GRK4: variants seen among roughly 807,000 people sequenced by gnomAD.
GRK4 encodes G protein-coupled receptor kinase 4.
In GRK4, 73 loss-of-function variants were observed where a neutral mutation model predicts 77.9. That is an observed-to-expected ratio of 0.94 (90% CI 0.78 to 1.14). GRK4 has a LOEUF of 1.14. Ranked by LOEUF, GRK4 falls within the 50% of genes most tolerant of loss-of-function variation. The pLI is 0.00. For synonymous variants in GRK4, 257 were observed against 254.4 expected (o/e 1.01, Z -0.10); for missense variants, 729 against 700.2 (o/e 1.04, Z -0.46).
chr4:2,984,630 A>G (rs1314877749), intron 2 of GRK4, 22 bp downstream of exon 2: 1 of 1,305,232 alleles, frequency 7.7e-7, no homozygotes, highest in Admixed American at 1.9e-5. Context: ...GTGCCTACTA[A>G]TGCTTGGATG....
At chr4:3,032,598 T>G (rs1004738606) in intron 12 of GRK4, among the ~76,000 whole-genome samples, 17 of 152,008 alleles carry the variant, frequency 1.1e-4, no homozygotes, top group Admixed American at 6.6e-4. Flanking sequence ...GGTGTCTGAG[T>G]GAGGGCTCTG....
chr4:2,966,328 C>T (rs13104559), intron 1 of GRK4: 11,010 of 151,760 alleles, frequency 0.073, 422 homozygotes, highest in African/African-American at 0.11. Flanking sequence ...AGGAGAATGG[C>T]GTGAACCCTG....
At position 3,029,329 on chromosome 4, in the gene GRK4, G is replaced by C; in HGVS notation, c.1189G>C (p.Glu397Gln). 6.2e-7 allele frequency: 1 copy of C among 1,614,114 alleles called. No individual in the cohort carries two copies. Among genetic ancestry groups the C allele is most frequent in the Non-Finnish European group, 8.5e-7 (1 of 1,179,992 alleles). ...ATACAAAGAGAAAGTCAAATGGGAG[G>C]AGGTCGATCAAAGAATCAAGAATGA... is the stretch of plus-strand genomic sequence containing the variant. ...KKYKEKVKWE[E>Q]VDQRIKNDTE... Residue 397 changes from glutamate (E) to glutamine (Q), a missense_variant, in exon 12 of 16, where the codon GAG becomes CAG. Physicochemically the swap from Glu to Gln is conservative, Grantham distance 29 (BLOSUM62 2). Transcript: ENST00000398052.
chr4:3,018,393 G>A (rs1735152886), intron 8 of GRK4, among the ~76,000 whole-genome samples: 1 of 152,142 alleles, frequency 6.6e-6, no homozygotes, highest in East Asian at 1.9e-4. Context: ...AAAAGACCCG[G>A]TGAGGTGGTG....
intron 1 of GRK4, chr4:2,965,394 T>C (rs1717307423): frequency 1.4e-6 from 1 of 702,972 alleles, no homozygotes; most frequent in Admixed American, 2.0e-5. Flanking sequence ...CTCAAGTCCC[T>C]GTGCTAGCCA....
At chr4:2,999,484 CAATT>C (rs1728918880) in intron 4 of GRK4, among the ~76,000 whole-genome samples, 1 of 152,116 alleles carries the variant, frequency 6.6e-6, no homozygotes, top group Non-Finnish European at 1.5e-5. Context: ...CATTAACAGT[CAATT>C]AATTGCCTTA....
Position 3,019,779 on chromosome 4 carries a change from GC to G in GRK4, c.881del (p.Ala294GlufsTer20). On this transcript the variant is annotated frameshift_variant, in exon 9 of 16. Transcript: ENST00000398052. LOFTEE classifies it high-confidence loss of function. Reference protein sequence around the residue: ...FDEQRAVFYAAELCCGLEDLQ... With the variant: ...FDEQRAVFYAXELCCGLEDLQ... The stretch of plus-strand genomic sequence containing the variant: ...TGAGCAGAGAGCCGTTTTCTATGCT[GC>G]AGAGCTGTGTTGCGGCTTGGAAGAT... 6.2e-7 allele frequency: 1 copy of G among 1,614,194 alleles called. No individual in the cohort carries two copies. The highest frequency in any genetic ancestry group is 8.5e-7 in the Non-Finnish European group (1 of 1,180,036).
At chr4:2,984,408 C>A in intron 1 of GRK4, 105 bp from the exon 2 acceptor site, 2 of 604,650 alleles carry the variant, frequency 3.3e-6, no homozygotes, top group South Asian at 2.2e-5. Flanking sequence ...TGATAGGTAC[C>A]CAAACCACTC....
At chr4:3,004,836 C>A (rs951218791) in intron 5 of GRK4, among the ~76,000 whole-genome samples, 1 of 151,910 alleles carries the variant, frequency 6.6e-6, no homozygotes, top group South Asian at 2.1e-4. Flanking sequence ...AAAATACATA[C>A]ATAAGTGGCT....
intron 1 of GRK4, chr4:2,966,764 C>T (rs1717841214): frequency 6.6e-6 from 1 of 152,146 alleles, no homozygotes; most frequent in African/African-American, 2.4e-5. Context: ...GAAAATTAAC[C>T]TTTGAAATGA....
intron 8 of GRK4, among the ~76,000 whole-genome samples, chr4:3,017,501 T>G (rs1734889323): frequency 6.6e-6 from 1 of 152,196 alleles, no homozygotes; most frequent in Non-Finnish European, 1.5e-5. Flanking sequence ...TAATATATAT[T>G]AAGCAGATGT....
intron 1 of GRK4, among the ~76,000 whole-genome samples, chr4:2,968,264 C>T (rs1415659041): frequency 1.3e-5 from 2 of 152,122 alleles, no homozygotes; most frequent in Non-Finnish European, 1.5e-5. Flanking sequence ...GAGAGGAATA[C>T]GTAATACGTG....
rs544347389 is a variant in GRK4, at chr4:3,035,223, T to A, written c.1270-163T>A. On this transcript the variant is annotated intron_variant, in intron 12 of 15. Transcript: ENST00000398052. ...TCGCACCACTGCACTCCAGCCTGGG[T>A]GACAGAACGAGACTCCATCTCAAAA... 4.6e-5 allele frequency among the ~76,000 whole-genome samples: 7 copies of A among 151,532 alleles called. No individual in the cohort carries two copies. The East Asian group carries it at 1.2e-3, about 25-fold the overall frequency.
intron 3 of GRK4, among the ~76,000 whole-genome samples, chr4:2,989,248 G>T (rs1725413813): frequency 6.6e-6 from 1 of 152,062 alleles, no homozygotes; most frequent in South Asian, 2.1e-4. Flanking sequence ...GGTTGTCTTG[G>T]TGTCATATTA....
intron 1 of GRK4, among the ~76,000 whole-genome samples, chr4:2,972,770 T>C (rs541180297): frequency 1.3e-5 from 2 of 152,250 alleles, no homozygotes; most frequent in Non-Finnish European, 2.9e-5. Flanking sequence ...GGTCTCACTC[T>C]GTCACCCAGG....
intron 2 of GRK4, among the ~76,000 whole-genome samples, chr4:2,985,345 G>A (rs951969007): frequency 6.7e-6 from 1 of 150,208 alleles, no homozygotes; most frequent in Non-Finnish European, 1.5e-5. Flanking sequence ...AGCTTGCAGT[G>A]AGCCGAAATC....
chr4:2,968,558 T>A (rs1346046679), intron 1 of GRK4, among the ~76,000 whole-genome samples: 1 of 152,194 alleles, frequency 6.6e-6, no homozygotes, highest in Non-Finnish European at 1.5e-5. Context: ...ATTTGGCAGA[T>A]GTGTGCTCAG....
intron 15 of GRK4, 164 bp downstream of exon 15, chr4:3,038,677 C>G: frequency 1.6e-6 from 1 of 638,304 alleles, no homozygotes; most frequent in Non-Finnish European, 2.6e-6. Context: ...CCAGCCAGAA[C>G]AATGAGAACA....
intron 1 of GRK4, among the ~76,000 whole-genome samples, chr4:2,970,476 G>A (rs1221498276): frequency 3.9e-5 from 6 of 151,968 alleles, no homozygotes; most frequent in East Asian, 2.0e-4. Context: ...TGGCCAACAT[G>A]GTGAAACCCC....
Sources: gnomAD v4.1 joint callset for allele counts (sites outside exome capture counted in the v4.1 genomes callset) on GRCh38, gnomAD v4.1.1 for gene constraint, MANE v1.5 for transcripts, NCBI Gene and HGNC (gene_info 2026-07-23, HGNC 2026-07-21) for gene names.